Variants in ENTPD1 observed in about 807,000 individuals in gnomAD.
ENTPD1 encodes the protein ectonucleoside triphosphate diphosphohydrolase 1.
ENTPD1 carries 33 observed loss-of-function variants against 57.0 expected under a neutral mutation model. The ratio of observed to expected loss-of-function variants is 0.58; its 90% CI spans 0.44 to 0.77. The LOEUF (loss-of-function observed/expected upper bound fraction) is 0.77. Ranked by LOEUF, ENTPD1 falls within the 30% of genes least tolerant of loss-of-function variation. ENTPD1 has a pLI of 0.00. For missense variants in ENTPD1, 501 were observed against 603.4 expected, an observed-to-expected ratio of 0.83 and a Z score of 1.78; for synonymous variants, 202 against 218.8, an observed-to-expected ratio of 0.92 and a Z score of 0.68.
At chr10:95,722,879 C>G (rs984989262) in intron 1 of ENTPD1, among the ~76,000 whole-genome samples, 1 of 152,202 alleles carries the variant, frequency 6.6e-6, no homozygotes, top group African/African-American at 2.4e-5. Context: ...TAGCCCCATA[C>G]GAGTAAGATT....
At chr10:95,723,636 T>A (rs1030034691) in intron 1 of ENTPD1, among the ~76,000 whole-genome samples, 1 of 152,068 alleles carries the variant, frequency 6.6e-6, no homozygotes, top group Non-Finnish European at 1.5e-5. Flanking sequence ...AAGAAAGTCG[T>A]GGTTGGGACC....
intron 1 of ENTPD1, among the ~76,000 whole-genome samples, chr10:95,814,166 C>T (rs1181874991): frequency 4.6e-5 from 7 of 152,110 alleles, no homozygotes; most frequent in African/African-American, 4.8e-5. Flanking sequence ...ATCACTTTGC[C>T]GGAAACAGCC....
intron 1 of ENTPD1, among the ~76,000 whole-genome samples, chr10:95,775,758 T>C (rs1382153635): frequency 1.3e-5 from 2 of 152,160 alleles, no homozygotes; most frequent in East Asian, 3.8e-4. Flanking sequence ...CTCCCATTAT[T>C]ATTGTGTGGG....
intron 1 of ENTPD1, among the ~76,000 whole-genome samples, chr10:95,742,436 C>T (rs1352588864): frequency 1.3e-5 from 2 of 151,926 alleles, no homozygotes; most frequent in Non-Finnish European, 2.9e-5. Flanking sequence ...CCTAGAGTTG[C>T]TGACTGCTCT....
rs111559150 is a variant in ENTPD1 at position 95,777,138 on chromosome 10, G to A, written c.16+20883G>A. On this transcript the variant is annotated intron_variant, in intron 1 of 9. Transcript: ENST00000371205. ...TTCTGAAGCCTACTTCTGTCAGCTC[G>A]TCAAAGTCATTCTCCATCCAGCTTT... Among the ~76,000 whole-genome samples, 541 of 152,310 alleles carry A rather than the reference G, an allele frequency of 3.6e-3. 1 individual carries two copies. The highest frequency in any genetic ancestry group is 5.9e-3 in the Non-Finnish European group (401 of 68,028).
chr10:95,875,812 A>G lies in ENTPD1; in HGVS notation c.*9429A>G, dbSNP rs1424543229. On this transcript the variant is annotated 3_prime_UTR_variant, in exon 10 of 10. Coordinates refer to ENST00000371205, the MANE Select transcript of ENTPD1 (RefSeq NM_001776.6). ...CAGCAAAAGCAGAAACCCCTGATAA[A>G]ACCATCAGATCTCGTGAGACTTATT... 9.7e-6 allele frequency: 2 copies of G among 205,506 alleles called. No homozygotes were observed. The highest frequency in any genetic ancestry group is 3.6e-4 in the East Asian group (2 of 5,572). 12.7% of individuals were successfully genotyped at this position (205,506 alleles called of 1,614,324 possible). A position where few individuals can be genotyped will look rare whatever the true frequency, so the allele number is the denominator to read the frequency against.
intron 1 of ENTPD1, among the ~76,000 whole-genome samples, chr10:95,777,334 G>C (rs889769259): frequency 8.5e-5 from 13 of 152,130 alleles, no homozygotes; most frequent in Non-Finnish European, 1.8e-4. Flanking sequence ...TGTCCTTTTT[G>C]TTGATGTTGA....
At chr10:95,736,983 G>A (rs1031502355) in intron 1 of ENTPD1, among the ~76,000 whole-genome samples, 3 of 152,182 alleles carry the variant, frequency 2.0e-5, no homozygotes, top group African/African-American at 7.2e-5. Flanking sequence ...GTCTGTGTGT[G>A]TGCATGAAAG....
intron 1 of ENTPD1, among the ~76,000 whole-genome samples, chr10:95,731,398 C>T (rs1282674091): frequency 6.6e-6 from 1 of 152,188 alleles, no homozygotes; most frequent in Non-Finnish European, 1.5e-5. Flanking sequence ...GAAGATGTAG[C>T]CGACCCTCTG....
intron 1 of ENTPD1, 125 bp downstream of exon 1, chr10:95,756,380 C>A: frequency 1.9e-6 from 2 of 1,076,616 alleles, no homozygotes; most frequent in Non-Finnish European, 1.4e-6. Flanking sequence ...AACTTTCCCA[C>A]CCTCTTCCTT....
At position 95,760,287 on chromosome 10, in the gene ENTPD1, T is replaced by C. The variant is rs1043098408; in HGVS notation, c.16+4032T>C. ...GACACTTCAGTTGGATCTAGAAAGA[T>C]GAGTAGAATCTGGTGCCCATGGCAA... is the stretch of plus-strand genomic sequence containing the variant. On this transcript the variant is annotated intron_variant, in intron 1 of 9. Coordinates refer to ENST00000371205, the MANE Select transcript of ENTPD1 (RefSeq NM_001776.6). 2.0e-5 allele frequency among the ~76,000 whole-genome samples: 3 copies of C among 152,198 alleles called. No homozygotes were observed. The East Asian group carries it at 5.8e-4, about 29-fold the overall frequency.
At chr10:95,712,270 A>G (rs1437152219) in intron 1 of ENTPD1, among the ~76,000 whole-genome samples, 2 of 152,196 alleles carry the variant, frequency 1.3e-5, no homozygotes, top group Non-Finnish European at 2.9e-5. Flanking sequence ...ACATGGGCCT[A>G]AACCCCCATA....
At chr10:95,770,796 G>T (rs2098113428) in intron 1 of ENTPD1, among the ~76,000 whole-genome samples, 1 of 152,070 alleles carries the variant, frequency 6.6e-6, no homozygotes, top group Non-Finnish European at 1.5e-5. Flanking sequence ...TGTGGTGTAG[G>T]TATCTATGCA....
At chr10:95,846,678 G>A (rs1214779223) in intron 6 of ENTPD1, among the ~76,000 whole-genome samples, 1 of 152,106 alleles carries the variant, frequency 6.6e-6, no homozygotes, top group African/African-American at 2.4e-5. Flanking sequence ...TCCCTAGTAG[G>A]TTGTGGGTTA....
At chr10:95,850,369 C>T (rs2098442834) in intron 7 of ENTPD1, among the ~76,000 whole-genome samples, 1 of 152,086 alleles carries the variant, frequency 6.6e-6, no homozygotes, top group African/African-American at 2.4e-5. Context: ...GTTTTATGCC[C>T]TCTGTAATGT....
chr10:95,763,114 G>A (rs570375342), intron 1 of ENTPD1, among the ~76,000 whole-genome samples: 22 of 151,412 alleles, frequency 1.5e-4, no homozygotes, highest in East Asian at 7.7e-4. Flanking sequence ...TTGTTATGAC[G>A]GGGTTTCACC....
At position 95,877,081 on chromosome 10, in the gene ENTPD1, C is replaced by T. The variant is rs1341285875; in HGVS notation, c.*10698C>T. 2.6e-5 allele frequency among the ~76,000 whole-genome samples: 4 copies of T among 152,162 alleles called. No homozygotes were observed. Among genetic ancestry groups the T allele is most frequent in the African/African-American group, 9.7e-5 (4 of 41,430 alleles). On this transcript the variant is annotated 3_prime_UTR_variant, in exon 10 of 10. Coordinates refer to ENST00000371205, the MANE Select transcript of ENTPD1 (RefSeq NM_001776.6). ...ACAGCAGCTCTATTTGCCTATTCCT[C>T]TTTAAATTACAAAGTTAAAATTTGG... is the stretch of plus-strand genomic sequence containing the variant.
At position 95,844,486 on chromosome 10, in the gene ENTPD1, G is replaced by C. The variant is rs148809600; in HGVS notation, c.424G>C (p.Glu142Gln). ...TCTTCCTTTGTACAGGATGGAAAGT[G>C]AAGAGTTGGCAGACAGGGTTCTGGA... The part of the protein sequence containing the change: ...AGMRLLRMES[E>Q]ELADRVLDVV... The change falls in exon 5 of 10, where the codon GAA (glutamate) becomes CAA (glutamine). Residue 142 changes from glutamate (E) to glutamine (Q), a missense_variant. Transcript: ENST00000371205. 2.1e-4 allele frequency: 344 copies of C among 1,614,024 alleles called. No homozygotes were observed. The highest frequency in any genetic ancestry group is 2.7e-4 in the Non-Finnish European group (315 of 1,179,998).
chr10:95,717,076 G>A (rs952059178), intron 1 of ENTPD1, among the ~76,000 whole-genome samples: 3 of 152,218 alleles, frequency 2.0e-5, no homozygotes, highest in Admixed American at 1.3e-4. Context: ...TTAGGCATAA[G>A]GAACTTAGGC....
Sources: allele counts gnomAD v4.1 joint callset (sites outside exome capture counted in the v4.1 genomes callset), GRCh38; gene constraint gnomAD v4.1.1; transcripts MANE v1.5; gene names NCBI Gene and HGNC (gene_info 2026-07-23, HGNC 2026-07-21).